The following FBXO4 variants were observed in gnomAD, a reference collection of about 807,000 sequenced individuals.
FBXO4 encodes F-box protein 4, also known as F-box only protein 4.
A neutral mutation model predicts 43.7 loss-of-function variants in FBXO4; 36 were observed. The observed-to-expected ratio is 0.82, with a 90% CI of 0.63 to 1.09. FBXO4 has a LOEUF of 1.09. FBXO4 is among the 50% of genes least tolerant of loss of function. FBXO4 has a pLI of 0.00. For synonymous variants in FBXO4, 180 were observed against 165.6 expected (o/e 1.09, Z -0.67); for missense variants, 435 against 474.1 (o/e 0.92, Z 0.77).
At chr5:42,030,395 G>A in the FBXO4 span, among the ~76,000 whole-genome samples, 1 of 151,880 alleles carries the variant, frequency 6.6e-6, no homozygotes, top group South Asian at 2.1e-4. Context: ...GGGAAAACTG[G>A]CTAGCCATAT....
intron 3 of FBXO4, among the ~76,000 whole-genome samples, chr5:41,932,150 G>C (rs1234389295): frequency 2.0e-5 from 3 of 152,214 alleles, no homozygotes; most frequent in Non-Finnish European, 4.4e-5. Context: ...ATTTTCCAGA[G>C]AGCAGCTGAA....
the FBXO4 span, among the ~76,000 whole-genome samples, chr5:41,964,703 A>G: frequency 2.0e-5 from 3 of 150,174 alleles, no homozygotes; most frequent in East Asian, 5.9e-4. Context: ...GTCTGTTCAT[A>G]TCCTTCGCCC....
At chr5:42,025,698 C>A in the FBXO4 span, among the ~76,000 whole-genome samples, 10 of 151,788 alleles carry the variant, frequency 6.6e-5, no homozygotes, top group Non-Finnish European at 1.3e-4. Flanking sequence ...GTCTTTAATT[C>A]ATTTTGATTT....
At chr5:41,929,938 C>T in intron 3 of FBXO4, 21 bp downstream of exon 3, 22 of 1,521,464 alleles carry the variant, frequency 1.4e-5, no homozygotes, top group Non-Finnish European at 1.9e-5. Context: ...TGTTAATCTA[C>T]AGTTAATTCA....
At chr5:41,947,611 C>T in the FBXO4 span, among the ~76,000 whole-genome samples, 3 of 152,144 alleles carry the variant, frequency 2.0e-5, no homozygotes, top group Non-Finnish European at 1.5e-5. Flanking sequence ...TATCATCAGC[C>T]TAGTATAGGC....
At chr5:42,002,658 C>T in the FBXO4 span, among the ~76,000 whole-genome samples, 1 of 152,120 alleles carries the variant, frequency 6.6e-6, no homozygotes, top group African/African-American at 2.4e-5. Flanking sequence ...TTTTGCTGCT[C>T]TGTATCTATG....
the FBXO4 span, among the ~76,000 whole-genome samples, chr5:41,996,158 T>C: frequency 6.6e-6 from 1 of 152,202 alleles, no homozygotes; most frequent in South Asian, 2.1e-4. Context: ...CTTCCTCATG[T>C]AACTTACTTG....
chr5:41,996,547 A>G, the FBXO4 span, among the ~76,000 whole-genome samples: 3 of 152,234 alleles, frequency 2.0e-5, no homozygotes, highest in Non-Finnish European at 4.4e-5. Context: ...CAAGTGCCAG[A>G]GCAGCTTGAA....
the FBXO4 span, among the ~76,000 whole-genome samples, chr5:41,950,715 A>G: frequency 4.8e-3 from 731 of 152,344 alleles, 3 homozygotes; most frequent in African/African-American, 0.013. Context: ...ATTACTGAGT[A>G]TATACTCAAA....
downstream of FBXO4, among the ~76,000 whole-genome samples, chr5:41,946,191 CTATTAT>C (rs1479592923): frequency 6.6e-6 from 1 of 152,280 alleles, no homozygotes; most frequent in East Asian, 1.9e-4. Context: ...TTGTGTGTGT[CTATTAT>C]TTCCCGACCT....
At chr5:41,948,427 G>A in the FBXO4 span, among the ~76,000 whole-genome samples, 6 of 152,104 alleles carry the variant, frequency 3.9e-5, no homozygotes, top group Admixed American at 6.6e-5. Flanking sequence ...GACCCACCGC[G>A]CCTGGCCACT....
the FBXO4 span, among the ~76,000 whole-genome samples, chr5:41,964,802 G>C: frequency 6.6e-6 from 1 of 152,006 alleles, no homozygotes; most frequent in Non-Finnish European, 1.5e-5. Context: ...CAGATGAGTA[G>C]ATTGCAAAAA....
At chr5:42,030,360 G>T in the FBXO4 span, among the ~76,000 whole-genome samples, 2 of 152,014 alleles carry the variant, frequency 1.3e-5, no homozygotes, top group Admixed American at 6.6e-5. Context: ...ATGGGGAAAC[G>T]ATTCCCTATT....
At chr5:41,957,820 A>G in the FBXO4 span, among the ~76,000 whole-genome samples, 31 of 152,160 alleles carry the variant, frequency 2.0e-4, no homozygotes, top group African/African-American at 3.6e-4. Flanking sequence ...TTGATATTAT[A>G]TATAATAGAA....
At chr5:41,926,247 A>T (rs181306921) in intron 1 of FBXO4, among the ~76,000 whole-genome samples, 1 of 152,334 alleles carries the variant, frequency 6.6e-6, no homozygotes, top group African/African-American at 2.4e-5. Flanking sequence ...GGTTTTTCAT[A>T]ACATTTTAAT....
At chr5:41,981,138 C>T in the FBXO4 span, among the ~76,000 whole-genome samples, 1 of 151,952 alleles carries the variant, frequency 6.6e-6, no homozygotes, top group Non-Finnish European at 1.5e-5. Flanking sequence ...TATATCATTA[C>T]AATTCCTCAA....
At chr5:42,035,301 G>T in the FBXO4 span, among the ~76,000 whole-genome samples, 1 of 151,982 alleles carries the variant, frequency 6.6e-6, no homozygotes, top group East Asian at 1.9e-4. Flanking sequence ...CTTCCTATTT[G>T]AATACGCTTT....
the FBXO4 span, among the ~76,000 whole-genome samples, chr5:41,965,686 T>G: frequency 2.0e-5 from 3 of 152,140 alleles, no homozygotes; most frequent in African/African-American, 7.2e-5. Context: ...GGAGAGGATG[T>G]GGAGAAATAG....
chr5:41,935,642 C>T (rs1017583155), intron 5 of FBXO4, among the ~76,000 whole-genome samples: 1 of 152,188 alleles, frequency 6.6e-6, no homozygotes, highest in African/African-American at 2.4e-5. Context: ...AGCAGTCATG[C>T]TGGAACACTG....
Sources: gnomAD v4.1 joint callset for allele counts (sites outside exome capture counted in the v4.1 genomes callset) on GRCh38, gnomAD v4.1.1 for gene constraint, MANE v1.5 for transcripts, NCBI Gene and HGNC (gene_info 2026-07-23, HGNC 2026-07-21) for gene names.